TENT5D: variants seen among roughly 807,000 people sequenced by gnomAD.
TENT5D encodes the protein cancer/testis antigen 112.
For synonymous variants in TENT5D, 103 were observed against 100.6 expected (o/e 1.02, Z -0.15); for missense variants, 191 against 287.0 (o/e 0.67, Z 2.42).
intron 3 of TENT5D, among the ~76,000 whole-genome samples, chrX:80,409,724 T>G (rs1444294518): frequency 9.1e-6 from 1 of 109,358 alleles, no homozygotes; most frequent in African/African-American, 3.4e-5. Context: ...AATGACTTTC[T>G]TCACAGAATT....
upstream of TENT5D, among the ~76,000 whole-genome samples, chrX:80,415,834 C>T (rs1416505230): frequency 8.9e-6 from 1 of 111,913 alleles, no homozygotes; most frequent in African/African-American, 3.2e-5. Context: ...ACAGCACCTC[C>T]TCCTCAGTTT....
intron 1 of TENT5D, among the ~76,000 whole-genome samples, chrX:80,422,593 G>A (rs1335926613): frequency 1.8e-5 from 2 of 111,771 alleles, no homozygotes; most frequent in Admixed American, 1.9e-4. Context: ...CTCCTTGATG[G>A]GATGGGTTTG....
chrX:80,439,833 G>A (rs1932246744), intron 2 of TENT5D, among the ~76,000 whole-genome samples: 1 of 63,022 alleles, frequency 1.6e-5, no homozygotes, highest in East Asian at 2.9e-4. Context: ...CATAATTAAC[G>A]CTTTTTTCTA....
chrX:80,345,576 G>A (rs1034645814), intron 3 of TENT5D, among the ~76,000 whole-genome samples: 1 of 111,217 alleles, frequency 9.0e-6, no homozygotes, highest in African/African-American at 3.3e-5. Context: ...GTGCTCCCAG[G>A]GATTACCCTG....
chrX:80,379,805 T>C (rs1251104119), intron 3 of TENT5D, among the ~76,000 whole-genome samples: 1 of 110,734 alleles, frequency 9.0e-6, no homozygotes, highest in African/African-American at 3.3e-5. Flanking sequence ...TGTGGTGATA[T>C]CCCCTTTATC....
At chrX:80,386,791 A>T (rs1931021511) in intron 3 of TENT5D, among the ~76,000 whole-genome samples, 2 of 111,499 alleles carry the variant, frequency 1.8e-5, no homozygotes, top group South Asian at 7.5e-4. Flanking sequence ...ATGAAAACAA[A>T]ATCAACAGGG....
chrX:80,418,953 G>T (rs1456574705), upstream of TENT5D, among the ~76,000 whole-genome samples: 4 of 110,889 alleles, frequency 3.6e-5, no homozygotes, highest in Admixed American at 3.9e-4. Context: ...TACCTAGCTA[G>T]CTAACTCTTT....
chrX:80,391,399 A>G (rs1179887318), intron 3 of TENT5D, among the ~76,000 whole-genome samples: 2 of 112,326 alleles, frequency 1.8e-5, no homozygotes, highest in African/African-American at 6.5e-5. Flanking sequence ...CTTACATTAT[A>G]TACTTTAAAC....
intron 3 of TENT5D, among the ~76,000 whole-genome samples, chrX:80,389,766 T>G (rs1931090807): frequency 8.9e-6 from 1 of 112,013 alleles, no homozygotes; most frequent in Non-Finnish European, 1.9e-5. Flanking sequence ...GGGAAACGTT[T>G]TAGTGGAGTG....
intron 3 of TENT5D, among the ~76,000 whole-genome samples, chrX:80,407,961 T>A (rs1280294557): frequency 9.2e-6 from 1 of 109,189 alleles, no homozygotes; most frequent in Non-Finnish European, 1.9e-5. Context: ...TCAAAACTGC[T>A]CAACTACATG....
intron 2 of TENT5D, among the ~76,000 whole-genome samples, chrX:80,335,872 G>A (rs1185142158): frequency 1.8e-5 from 2 of 111,142 alleles, no homozygotes; most frequent in African/African-American, 3.3e-5. Flanking sequence ...AATAGGTAAA[G>A]TTTATGTGAA....
intron 3 of TENT5D, among the ~76,000 whole-genome samples, chrX:80,385,742 C>T (rs1320572963): frequency 2.7e-5 from 3 of 111,742 alleles, no homozygotes; most frequent in African/African-American, 6.5e-5. Flanking sequence ...AACAAACAAC[C>T]CCATCAACAA....
intron 3 of TENT5D, among the ~76,000 whole-genome samples, chrX:80,346,406 A>T (rs894418192): frequency 1.8e-4 from 20 of 112,106 alleles, no homozygotes; most frequent in African/African-American, 6.5e-4. Flanking sequence ...TTTATAAGAA[A>T]CTTCAAAACT....
At chrX:80,407,553 A>G (rs1294813790) in intron 3 of TENT5D, among the ~76,000 whole-genome samples, 3 of 107,355 alleles carry the variant, frequency 2.8e-5, no homozygotes, top group Non-Finnish European at 5.8e-5. Flanking sequence ...AGAGCTAACT[A>G]TCCTAAATAT....
rs188975572 is a variant in TENT5D at position 80,348,744 on chromosome X, C to T, written c.-142+6180C>T. Among the ~76,000 whole-genome samples, 117 of 111,636 alleles carry T rather than the reference C, an allele frequency of 1.0e-3. 5 individuals carry two copies. In the East Asian group the frequency reaches 0.031, roughly 29 times the overall value. The stretch of plus-strand genomic sequence containing the variant: ...GGCATCCTTGTCTTGTGCCGGTTTT[C>T]AAAGTGAATGCTTCCAGCTTTTGCC... On this transcript the variant is annotated intron_variant, in intron 3 of 4. Coordinates refer to the TENT5D transcript ENST00000538312.
intron 2 of TENT5D, among the ~76,000 whole-genome samples, chrX:80,441,766 C>T (rs182126793): frequency 4.5e-5 from 5 of 111,020 alleles, no homozygotes; most frequent in African/African-American, 1.6e-4. Context: ...CTGCAGTGAA[C>T]ATTTTTTAAA....
At chrX:80,382,989 A>G (rs1285503917) in intron 3 of TENT5D, among the ~76,000 whole-genome samples, 3 of 111,433 alleles carry the variant, frequency 2.7e-5, no homozygotes, top group Non-Finnish European at 5.7e-5. Flanking sequence ...CTCGCCTTCC[A>G]TGGGCTGCAC....
intron 2 of TENT5D, 125 bp downstream of exon 2, chrX:80,438,857 G>T (rs1175788356): frequency 1.8e-5 from 2 of 110,899 alleles, no homozygotes; most frequent in Non-Finnish European, 3.8e-5. Context: ...GTAATAGGGA[G>T]AACAATTACA....
At chrX:80,408,976 A>T (rs1176689959) in intron 3 of TENT5D, among the ~76,000 whole-genome samples, 2 of 111,405 alleles carry the variant, frequency 1.8e-5, no homozygotes, top group African/African-American at 6.5e-5. Context: ...TTCAGCATAT[A>T]AACAGAGCCA....
Sources: gnomAD v4.1 joint callset for allele counts (sites outside exome capture counted in the v4.1 genomes callset) on GRCh38, gnomAD v4.1.1 for gene constraint, MANE v1.5 for transcripts, NCBI Gene and HGNC (gene_info 2026-07-23, HGNC 2026-07-21) for gene names.